The following ZNF112 variants were observed in gnomAD, a reference collection of about 807,000 sequenced individuals.
The protein encoded by ZNF112 is zinc finger protein 112.
A neutral mutation model predicts 77.7 loss-of-function variants in ZNF112; 37 were observed. That is an observed-to-expected ratio of 0.48 (90% confidence interval 0.37 to 0.63). The LOEUF (loss-of-function observed/expected upper bound fraction) is 0.63. Ranked by LOEUF, ZNF112 falls within the 20% of genes least tolerant of loss-of-function variation. ZNF112 has a pLI of 0.00. For missense variants in ZNF112, 950 were observed against 1,077.4 expected, an observed-to-expected ratio of 0.88 and a Z score of 1.66; for synonymous variants, 333 against 363.6, an observed-to-expected ratio of 0.92 and a Z score of 0.96.
rs138094489 is a variant in ZNF112, at chr19:44,343,155, TG to T, written c.-3-2614del. 995 of 1,341,308 alleles carry T rather than the reference TG, an allele frequency of 7.4e-4. 9 individuals are homozygous for T. In the African/African-American group the frequency reaches 0.014, roughly 18 times the overall value. The allele number at this position is 1,341,308 out of a possible 1,614,324, so 83.1% of individuals were successfully genotyped here. On this transcript the variant is annotated intron_variant, in intron 1 of 3. Coordinates refer to ENST00000354340, the MANE Select transcript of ZNF112 (RefSeq NM_013380.4). ...TACATAAATGATACTAAATGCCTGT[TG>T]TCATTCTTTACCCTTGGCAAAGAAG...
intron 1 of ZNF112, among the ~76,000 whole-genome samples, chr19:44,341,904 GCTTTTTTGTAAGT>G (rs1234311577): frequency 6.6e-6 from 1 of 150,880 alleles, no homozygotes; most frequent in Non-Finnish European, 1.5e-5. Flanking sequence ...GGTTTGCTTT[GCTTTTTTGTAAGT>G]CTTTCCACGC....
At chr19:44,334,737 A>C (rs1044482034) in intron 3 of ZNF112, among the ~76,000 whole-genome samples, 1 of 152,272 alleles carries the variant, frequency 6.6e-6, no homozygotes, top group Non-Finnish European at 1.5e-5. Context: ...AAGCCTTGGC[A>C]GCTTCCACGT....
intron 1 of ZNF112, among the ~76,000 whole-genome samples, chr19:44,362,307 G>A (rs540769684): frequency 1.4e-4 from 22 of 152,200 alleles, no homozygotes; most frequent in Non-Finnish European, 2.2e-4. Context: ...GAAGAGACTC[G>A]TAGAGATGCA....
chr19:44,329,115 T>G lies in ZNF112; in HGVS notation c.1042A>C (p.Thr348Pro). 3 of 1,613,938 alleles carry G rather than the reference T, an allele frequency of 1.9e-6. No homozygotes were observed. The highest frequency in any genetic ancestry group is 2.5e-6 in the Non-Finnish European group (3 of 1,179,996). ...TTGTGCCTATAGGACATCTCACCTGTGTGGATAAGTTCATAAGTGTTAAGA... is the reference window on the plus strand; with the variant it reads ...TTGTGCCTATAGGACATCTCACCTGGGTGGATAAGTTCATAAGTGTTAAGA... ...SPLNTYELIH[T>P]GEMSYRHNIY... The change falls in exon 4 of 4, where the codon ACA (threonine) becomes CCA (proline). Residue 348 changes from threonine (T) to proline (P), a missense_variant. Thr to Pro is a conservative substitution (Grantham distance 38, BLOSUM62 -1). Around this residue, in one of 3 missense-constraint regions of ZNF112, gnomAD observed 560 missense variants for 557.3 expected, o/e 1.00. Transcript: ENST00000354340.
Position 44,328,775 on chromosome 19 carries a change from T to C in ZNF112, c.1382A>G (p.Lys461Arg), listed in dbSNP as rs545633696. The change falls in exon 4 of 4, where the codon AAG (lysine) becomes AGG (arginine). Residue 461 changes from lysine (K) to arginine (R), a missense_variant. Around this residue, in one of 3 missense-constraint regions of ZNF112, gnomAD observed 560 missense variants for 557.3 expected, o/e 1.00. Coordinates refer to ENST00000354340, the MANE Select transcript of ZNF112 (RefSeq NM_013380.4). ...HFQDLQIVHT[K>R]EQPYKRYVCS... ...CACATAGCGTTTATATGGTTGTTCC[T>C]TAGTGTGGACTATCTGAAGGTCCTG... 2 of 1,614,102 alleles carry C rather than the reference T, an allele frequency of 1.2e-6. No homozygotes were observed. The highest frequency in any genetic ancestry group is 3.3e-5 in the Admixed American group (2 of 60,004).
At chr19:44,360,264 AAAAAGAAAAG>A (rs1970842978), upstream of ZNF112, among the ~76,000 whole-genome samples, 1 of 151,492 alleles carries the variant, frequency 6.6e-6, no homozygotes, top group African/African-American at 2.4e-5. Flanking sequence ...CAAGAAAAAA[AAAAAGAAAAG>A]AAAAAAGAAA....
intron 1 of ZNF112, among the ~76,000 whole-genome samples, chr19:44,349,508 C>T (rs1970654421): frequency 6.6e-6 from 1 of 152,022 alleles, no homozygotes; most frequent in African/African-American, 2.4e-5. Flanking sequence ...CTAAACTAAT[C>T]AAACCTATGT....
intron 2 of ZNF112, among the ~76,000 whole-genome samples, chr19:44,337,643 C>T (rs2722731): frequency 0.74 from 109,465 of 148,844 alleles, 40,674 homozygotes; most frequent in African/African-American, 0.83. Flanking sequence ...TTCCTTTCAA[C>T]GCATGAATGT....
chr19:44,338,075 A>T (rs1055196617), intron 2 of ZNF112, among the ~76,000 whole-genome samples: 1 of 152,140 alleles, frequency 6.6e-6, no homozygotes, highest in African/African-American at 2.4e-5. Context: ...AAGTGCTCAA[A>T]AAAAAAATTG....
intron 2 of ZNF112, among the ~76,000 whole-genome samples, chr19:44,337,308 T>C (rs9676262): frequency 0.27 from 29,776 of 111,890 alleles, 7,117 homozygotes; most frequent in East Asian, 0.49. Flanking sequence ...AATATATATA[T>C]ATTTTGTATA....
intron 1 of ZNF112, among the ~76,000 whole-genome samples, chr19:44,342,835 AAAAG>A (rs1970516686): frequency 6.6e-6 from 1 of 151,632 alleles, no homozygotes; most frequent in Non-Finnish European, 1.5e-5. Flanking sequence ...AAGAAAAAGA[AAAAG>A]AAAAGGGGGA....
chr19:44,338,299 A>G (rs1008972474), intron 2 of ZNF112, among the ~76,000 whole-genome samples: 1 of 152,222 alleles, frequency 6.6e-6, no homozygotes, highest in African/African-American at 2.4e-5. Context: ...AGGTAAAGTT[A>G]GAAAAGTCAT....
intron 1 of ZNF112, among the ~76,000 whole-genome samples, chr19:44,351,049 T>A (rs977539227): frequency 6.6e-6 from 1 of 152,028 alleles, no homozygotes; most frequent in Non-Finnish European, 1.5e-5. Context: ...TCAGCAGGGC[T>A]GGTTGCTTCT....
At chr19:44,352,105 G>A (rs1225294775) in intron 1 of ZNF112, among the ~76,000 whole-genome samples, 1 of 152,010 alleles carries the variant, frequency 6.6e-6, no homozygotes, top group African/African-American at 2.4e-5. Flanking sequence ...CTACAAAAAG[G>A]TACCACAAGG....
chr19:44,350,742 GT>G (rs1331733753), intron 1 of ZNF112, among the ~76,000 whole-genome samples: 1 of 152,046 alleles, frequency 6.6e-6, no homozygotes, highest in Non-Finnish European at 1.5e-5. Flanking sequence ...TTGTAGCAGT[GT>G]TTTCAGACCT....
At chr19:44,363,699 T>C (rs1970876463) in intron 1 of ZNF112, among the ~76,000 whole-genome samples, 2 of 152,220 alleles carry the variant, frequency 1.3e-5, no homozygotes, top group Non-Finnish European at 2.9e-5. Context: ...TTAAATATTT[T>C]TATGAATAAA....
chr19:44,337,388 ATATATATAATATATATTT>A (rs1425874282), intron 2 of ZNF112, among the ~76,000 whole-genome samples: 1 of 58,206 alleles, frequency 1.7e-5, no homozygotes, highest in Non-Finnish European at 3.0e-5. Context: ...ATATATAATA[ATATATATAATATATATTT>A]TATATATAAT....
Position 44,329,368 on chromosome 19 carries a change from A to G in ZNF112, c.789T>C (p.Asn263=), listed in dbSNP as rs377153693. The G allele has an allele frequency of 1.2e-6, 2 of 1,613,714 alleles. No homozygotes were observed. Among genetic ancestry groups the G allele is most frequent in the African/African-American group, 2.7e-5 (2 of 74,916 alleles). ...GCTGATGAACCTCAGAGCTGGAGTC[A>G]TTACTGAAGGCTTTTCTATACCCAG... is the stretch of plus-strand genomic sequence containing the variant. ...PCTGYRKAFS[N]DSSSEVHQQF... is the part of the protein sequence containing the mutation. Residue 263 remains asparagine (N), a synonymous_variant, in exon 4 of 4, where the codon AAT becomes AAC. Coordinates refer to ENST00000354340, the MANE Select transcript of ZNF112 (RefSeq NM_013380.4).
At chr19:44,334,746 G>A (rs557796207) in intron 3 of ZNF112, among the ~76,000 whole-genome samples, 2 of 152,384 alleles carry the variant, frequency 1.3e-5, no homozygotes, top group East Asian at 3.9e-4. Flanking sequence ...CAGCTTCCAC[G>A]TACTGTTGGG....
Sources: allele counts gnomAD v4.1 joint callset (sites outside exome capture counted in the v4.1 genomes callset), GRCh38; gene constraint gnomAD v4.1.1; regional missense constraint gnomAD v4.1.1; transcripts MANE v1.5; gene names NCBI Gene and HGNC (gene_info 2026-07-23, HGNC 2026-07-21).